The following KHSRP variants were observed in gnomAD, a reference collection of about 807,000 sequenced individuals.
KHSRP encodes KH-type splicing regulatory protein, also known as far upstream element-binding protein 2.
KHSRP carries 13 observed loss-of-function variants against 94.9 expected under a neutral mutation model. That is an observed-to-expected ratio of 0.14 (90% CI 0.09 to 0.22). KHSRP has a LOEUF of 0.22. Ranked by LOEUF, KHSRP falls within the 10% of genes least tolerant of loss-of-function variation. KHSRP has a pLI of 1.00. For missense variants in KHSRP, 710 were observed against 1,010.0 expected (o/e 0.70, Z 4.03); for synonymous variants, 495 against 401.4 (o/e 1.23, Z -2.79).
chr19:6,423,997 G>A (rs1039672151), intron 1 of KHSRP: 2 of 152,374 alleles, frequency 1.3e-5, no homozygotes, highest in African/African-American at 4.8e-5. Context: ...TGAAGAGGAA[G>A]GACTGTCCCT....
Position 6,416,887 on chromosome 19 carries a change from A to C in KHSRP, c.1183-5T>G. On this transcript the variant is annotated splice_polypyrimidine_tract_variant and splice_region_variant and intron_variant, in intron 12 of 18. Coordinates refer to ENST00000600480, the MANE Select transcript of KHSRP (RefSeq NM_001366299.1). The stretch of plus-strand genomic sequence containing the variant: ...TGGAGGACCTGGGGGACCACTCTGC[A>C]AGACAAGAGGAGGAGGAGGATGATG... The C allele has an allele frequency of 6.2e-7, 1 of 1,611,862 alleles. No individual in the cohort carries two copies. Among genetic ancestry groups the C allele is most frequent in the South Asian group, 1.1e-5 (1 of 91,022 alleles).
In KHSRP at chr19:6,415,885, G is replaced by A. The variant is rs1240232308; in HGVS notation, c.1610C>T (p.Pro537Leu). 3 of 1,526,128 alleles carry A rather than the reference G, an allele frequency of 2.0e-6. No homozygotes were observed. Among genetic ancestry groups the A allele is most frequent in the Admixed American group, 2.2e-5 (1 of 46,044 alleles). The allele number at this position is 1,526,128 out of a possible 1,614,324, so 94.5% of individuals were successfully genotyped here. Reference protein sequence around the residue: ...PPGAPPHAGGPPPHQYPPQGW... With the variant: ...PPGAPPHAGGLPPHQYPPQGW... ...CTGGGGTGGGTACTGGTGAGGAGGGGGCCCCCCGGCACTGCAGGAGAGAAG... is the reference window on the plus strand; with the variant it reads ...CTGGGGTGGGTACTGGTGAGGAGGGAGCCCCCCGGCACTGCAGGAGAGAAG... Residue 537 changes from proline (P) to leucine (L), a missense_variant, in exon 16 of 19, where the codon CCC (proline) becomes CTC (leucine). Coordinates refer to ENST00000600480, the MANE Select transcript of KHSRP (RefSeq NM_001366299.1).
chr19:6,419,009 G>T, intron 7 of KHSRP, 133 bp from the exon 8 acceptor site: 2 of 1,157,270 alleles, frequency 1.7e-6, no homozygotes, highest in South Asian at 3.2e-5. Context: ...GCCAGTCACA[G>T]GGGCTGTTCA....
Position 6,424,612 on chromosome 19 carries a change from A to G in KHSRP, c.90T>C (p.Pro30=), listed in dbSNP as rs1331360422. 1.1e-6 allele frequency: 1 copy of G among 950,090 alleles called. No homozygotes were observed. The highest frequency in any genetic ancestry group is 4.9e-5 in the South Asian group (1 of 20,450). 58.9% of individuals were successfully genotyped at this position (950,090 alleles called of 1,614,324 possible). ...CCCCCGCGCCTGGCGGGCCCGGCGG[A>G]GGGCCTCCCCCGGCGCCTCCGGCTC... ...GGGAGGAGGG[P]PPGPPGAGDR... is the part of the protein sequence containing the mutation. The change falls in exon 1 of 19, where the codon CCT becomes CCC. Residue 30 remains proline, a synonymous_variant. Transcript: ENST00000600480.
intron 6 of KHSRP, 90 bp downstream of exon 6, chr19:6,419,983 C>T (rs921944572): frequency 3.9e-6 from 4 of 1,019,300 alleles, no homozygotes; most frequent in Non-Finnish European, 3.0e-6. Context: ...GCTTCCTGTC[C>T]ACAGTCCCCG....
rs1350871827 is a variant in KHSRP, at chr19:6,415,667, C to T, written c.1755G>A (p.Gln585=). 2 of 1,544,196 alleles carry T rather than the reference C, an allele frequency of 1.3e-6. No homozygotes were observed. The highest frequency in any genetic ancestry group is 2.0e-5 in the Admixed American group (1 of 50,614). ...GGCCGGGGACGGGGCCCGGGGGCTGCTGGTAGTAGTGTGAGTAGTAGGCGG... is the reference window on the plus strand; with the variant it reads ...GGCCGGGGACGGGGCCCGGGGGCTGTTGGTAGTAGTGTGAGTAGTAGGCGG... ...AWAAYYSHYY[Q]QPPGPVPGPA... The change falls in exon 17 of 19, where the codon CAG becomes CAA. Residue 585 remains glutamine, a synonymous_variant. Coordinates refer to ENST00000600480, the MANE Select transcript of KHSRP (RefSeq NM_001366299.1).
At chr19:6,420,716 A>G (rs1033471622) in intron 4 of KHSRP, among the ~76,000 whole-genome samples, 3 of 152,240 alleles carry the variant, frequency 2.0e-5, no homozygotes, top group African/African-American at 7.2e-5. Flanking sequence ...TAGCAAGCTG[A>G]CAGTCACTCT....
rs373967009 is a variant in KHSRP at position 6,423,017 on chromosome 19, T to G, written c.250-581A>C. ...CTGGATGGCTGGGCACTGTGACTTA[T>G]GCCTGTAATCCCAGCATTTTGGGAG... On this transcript the variant is annotated intron_variant, in intron 1 of 18. Transcript: ENST00000600480. 6.6e-5 allele frequency among the ~76,000 whole-genome samples: 10 copies of G among 152,344 alleles called. No homozygotes were observed. The East Asian group carries it at 1.5e-3, about 23-fold the overall frequency.
chr19:6,416,114 A>G (rs937425336), intron 15 of KHSRP, among the ~76,000 whole-genome samples, 184 bp downstream of exon 15: 1 of 152,184 alleles, frequency 6.6e-6, no homozygotes, highest in African/African-American at 2.4e-5. Context: ...ACGTGCACAG[A>G]GGGATGCTGA....
chr19:6,419,624 G>A (rs909097319), intron 6 of KHSRP, among the ~76,000 whole-genome samples: 12 of 152,204 alleles, frequency 7.9e-5, no homozygotes, highest in African/African-American at 2.9e-4. Context: ...GCTTTCTGTA[G>A]CTCAGGACTC....
intron 1 of KHSRP, 115 bp from the exon 2 acceptor site, chr19:6,422,551 T>C: frequency 1.4e-6 from 1 of 724,324 alleles, no homozygotes; most frequent in South Asian, 1.7e-5. Context: ...TCTTGGTGTC[T>C]GGCCCTCCAA....
rs2092219644 is a variant in KHSRP, at chr19:6,424,441, C to T, written c.249+12G>A. 1.0e-6 allele frequency: 1 copy of T among 990,500 alleles called. No individual in the cohort carries two copies. Among genetic ancestry groups the T allele is most frequent in the Non-Finnish European group, 1.2e-6 (1 of 834,536 alleles). The allele number at this position is 990,500 out of a possible 1,614,324, so 61.4% of individuals were successfully genotyped here. ...CGCGCGAGCGCGCCCCTCAGGCCCTCGGCCTCCTCACCTGGCGGGCCCGCT... is the reference window on the plus strand; with the variant it reads ...CGCGCGAGCGCGCCCCTCAGGCCCTTGGCCTCCTCACCTGGCGGGCCCGCT... On this transcript the variant is annotated intron_variant, in intron 1 of 18. Transcript: ENST00000600480.
In KHSRP at chr19:6,415,246, G is replaced by A; in HGVS notation, c.2022C>T (p.Tyr674=). The change falls in exon 19 of 19, where the codon TAC becomes TAT. Residue 674 remains tyrosine (Y), a synonymous_variant. Transcript: ENST00000600480. ...TGTAATATTCCGCCCAGGCGGCACT[G>A]TAGTCTGGCTGGGAGCCTGGGGGAG... ...PGAPPGSQPD[Y]SAAWAEYYRQ... is the part of the protein sequence containing the mutation. The A allele has an allele frequency of 1.2e-6, 2 of 1,612,832 alleles. No individual in the cohort carries two copies. The highest frequency in any genetic ancestry group is 2.2e-5 in the South Asian group (2 of 91,086).
rs2092139069 is a variant in KHSRP at position 6,415,673 on chromosome 19, G to A, written c.1749C>T (p.Tyr583=). ...NAAWAAYYSH[Y]YQQPPGPVPG... ...GGACGGGGCCCGGGGGCTGCTGGTA[G>A]TAGTGTGAGTAGTAGGCGGCCCACG... The change falls in exon 17 of 19, where the codon TAC becomes TAT. Residue 583 remains tyrosine, a synonymous_variant. Transcript: ENST00000600480. 3 of 1,546,118 alleles carry A rather than the reference G, an allele frequency of 1.9e-6. No individual in the cohort carries two copies. The highest frequency in any genetic ancestry group is 1.4e-5 in the African/African-American group (1 of 73,142).
chr19:6,417,194 A>C, intron 11 of KHSRP, 107 bp from the exon 12 acceptor site: 1 of 826,070 alleles, frequency 1.2e-6, no homozygotes, highest in Non-Finnish European at 1.9e-6. Flanking sequence ...CTGAGATCTC[A>C]GACGCGCTGC....
rs992649817 is a variant in KHSRP, at chr19:6,418,272, A to G, written c.880-193T>C. Among the ~76,000 whole-genome samples the G allele has an allele frequency of 2.0e-5, 3 of 152,142 alleles. No individual in the cohort carries two copies. Among genetic ancestry groups the G allele is most frequent in the African/African-American group, 7.2e-5 (3 of 41,442 alleles). On this transcript the variant is annotated intron_variant, in intron 9 of 18. Coordinates refer to ENST00000600480, the MANE Select transcript of KHSRP (RefSeq NM_001366299.1). This position sits in a 1 kb window ranked among gnomAD's most constrained non-coding sequence, Gnocchi z 4.3. Reference sequence around the variant, plus strand: ...CAGCCCCGTTTCCAGATAAAAAAGCAGAAGGTCAGAGGTGAGGCCGGTGCC... The same window carrying G: ...CAGCCCCGTTTCCAGATAAAAAAGCGGAAGGTCAGAGGTGAGGCCGGTGCC...
intron 15 of KHSRP, 28 bp from the exon 16 acceptor site, chr19:6,415,924 A>G (rs758013816): frequency 4.2e-6 from 6 of 1,413,958 alleles, no homozygotes; most frequent in Non-Finnish European, 4.7e-6. Flanking sequence ...GGGATGCTTG[A>G]GCAGTGGTGC....
chr19:6,414,847 G>C lies in KHSRP; in HGVS notation c.*177C>G. ...CTGCCTGCCCCCCGACTCCCCAGCA[G>C]TTCAGAAGTCCCGCCTGCGAGTCTC... On this transcript the variant is annotated 3_prime_UTR_variant, in exon 19 of 19. Transcript: ENST00000600480. 1 of 1,285,260 alleles carries C rather than the reference G, an allele frequency of 7.8e-7. No homozygotes were observed. Among genetic ancestry groups the C allele is most frequent in the Non-Finnish European group, 9.8e-7 (1 of 1,015,474 alleles). The allele number at this position is 1,285,260 out of a possible 1,614,324, so 79.6% of individuals were successfully genotyped here.
At chr19:6,415,765 G>T (rs761172391) in intron 16 of KHSRP, 31 bp from the exon 17 acceptor site, 1 of 1,552,202 alleles carries the variant, frequency 6.4e-7, no homozygotes, top group Admixed American at 2.0e-5. Context: ...GAGACGGGGG[G>T]ACAGAACAGG....
Sources: gnomAD v4.1 joint callset for allele counts (sites outside exome capture counted in the v4.1 genomes callset) on GRCh38, gnomAD v4.1.1 for gene constraint, Gnocchi (gnomAD v3.1) non-coding constraint, MANE v1.5 for transcripts, NCBI Gene and HGNC (gene_info 2026-07-23, HGNC 2026-07-21) for gene names.